METTL25: variants seen among roughly 807,000 people sequenced by gnomAD.
METTL25 encodes the protein methyltransferase like 25.
A neutral mutation model predicts 71.6 loss-of-function variants in METTL25; 64 were observed. The observed-to-expected ratio is 0.89, with a 90% CI of 0.73 to 1.10. METTL25 has a LOEUF of 1.10. Among genes scored for constraint, METTL25 ranks in the 50% least tolerant of loss-of-function variants. METTL25 has a pLI of 0.00. For missense variants in METTL25, 807 were observed against 707.0 expected, an observed-to-expected ratio of 1.14 and a Z score of -1.60; for synonymous variants, 287 against 250.3, an observed-to-expected ratio of 1.15 and a Z score of -1.38.
chr12:82,453,973 C>T (rs760881780), intron 8 of METTL25, among the ~76,000 whole-genome samples: 13 of 152,070 alleles, frequency 8.5e-5, no homozygotes, highest in Non-Finnish European at 1.8e-4. Flanking sequence ...AGAAACATTT[C>T]TGAGCATGTA....
chr12:82,365,357 A>G (rs1882444192), intron 1 of METTL25, among the ~76,000 whole-genome samples: 1 of 152,210 alleles, frequency 6.6e-6, no homozygotes, highest in Non-Finnish European at 1.5e-5. Context: ...ATACCCTGGG[A>G]ATTTGGACAT....
intron 1 of METTL25, among the ~76,000 whole-genome samples, chr12:82,360,316 T>G (rs187577946): frequency 6.6e-6 from 1 of 152,114 alleles, no homozygotes; most frequent in East Asian, 1.9e-4. Flanking sequence ...ATGTGTATTT[T>G]CTCTTTTAAT....
intron 5 of METTL25, among the ~76,000 whole-genome samples, chr12:82,415,393 T>C (rs1223050949): frequency 6.6e-6 from 1 of 151,844 alleles, no homozygotes; most frequent in Non-Finnish European, 1.5e-5. Flanking sequence ...AGATGAGAAG[T>C]AGAAAAAAAG....
intron 1 of METTL25, among the ~76,000 whole-genome samples, chr12:82,367,365 GT>G (rs1315846851): frequency 4.0e-5 from 6 of 151,592 alleles, no homozygotes; most frequent in African/African-American, 1.2e-4. Context: ...TCTTTCCTTG[GT>G]TTTAAAAAAA....
chr12:82,396,707 G>A (rs1226307456), intron 3 of METTL25, among the ~76,000 whole-genome samples: 1 of 151,958 alleles, frequency 6.6e-6, no homozygotes. Flanking sequence ...GTAACCACTA[G>A]CATAATTAAG....
At chr12:82,358,850 G>T in intron 1 of METTL25, 26 bp downstream of exon 1, 1 of 1,567,884 alleles carries the variant, frequency 6.4e-7, no homozygotes, top group African/African-American at 1.4e-5. Flanking sequence ...GGCGGGGCGG[G>T]AAGGGAGGCG....
At chr12:82,449,194 A>G (rs1169210056) in intron 8 of METTL25, among the ~76,000 whole-genome samples, 1 of 152,202 alleles carries the variant, frequency 6.6e-6, no homozygotes, top group Non-Finnish European at 1.5e-5. Flanking sequence ...ATTCTGACAG[A>G]GAGGCCCTTT....
At chr12:82,453,631 T>A (rs938111997) in intron 8 of METTL25, among the ~76,000 whole-genome samples, 1 of 152,166 alleles carries the variant, frequency 6.6e-6, no homozygotes, top group African/African-American at 2.4e-5. Flanking sequence ...TTTGTATTGT[T>A]AACTTTGCAC....
intron 1 of METTL25, among the ~76,000 whole-genome samples, chr12:82,386,473 CCCTCCCTCCTTTCCTT>C (rs1322746988): frequency 2.6e-5 from 1 of 38,586 alleles, no homozygotes; most frequent in Non-Finnish European, 5.5e-5. Flanking sequence ...CTCCCTTCCT[CCCTCCCTCCTTTCCTT>C]CCTCCCTCCC....
At chr12:82,454,921 T>A (rs1891382169) in intron 8 of METTL25, among the ~76,000 whole-genome samples, 1 of 151,904 alleles carries the variant, frequency 6.6e-6, no homozygotes, top group Non-Finnish European at 1.5e-5. Context: ...TCTGAGCACC[T>A]TATATGTGTT....
At chr12:82,462,223 G>A (rs1296052988) in intron 9 of METTL25, among the ~76,000 whole-genome samples, 1 of 152,118 alleles carries the variant, frequency 6.6e-6, no homozygotes, top group Non-Finnish European at 1.5e-5. Context: ...AGTTGAAGAG[G>A]CTCTCACTGG....
chr12:82,453,912 C>A (rs1891312524), intron 8 of METTL25, among the ~76,000 whole-genome samples: 2 of 152,042 alleles, frequency 1.3e-5, no homozygotes, highest in Admixed American at 1.3e-4. Flanking sequence ...TGTGTTCCAG[C>A]TGATTAAAGT....
intron 9 of METTL25, among the ~76,000 whole-genome samples, chr12:82,462,161 G>T (rs1891922191): frequency 6.6e-6 from 1 of 152,152 alleles, no homozygotes; most frequent in Non-Finnish European, 1.5e-5. Flanking sequence ...GCCTAAGGAT[G>T]ATCTGTACCA....
chr12:82,441,873 G>A (rs796627414), intron 8 of METTL25, among the ~76,000 whole-genome samples: 6 of 146,946 alleles, frequency 4.1e-5, no homozygotes, highest in South Asian at 4.3e-4. Context: ...GCCAACAAAG[G>A]CAAAGAAGTA....
intron 8 of METTL25, among the ~76,000 whole-genome samples, chr12:82,449,570 T>C (rs1474284092): frequency 2.0e-5 from 3 of 152,192 alleles, no homozygotes; most frequent in Non-Finnish European, 4.4e-5. Flanking sequence ...TCTGGGTTTT[T>C]TAAAATCCAG....
At chr12:82,424,146 A>T (rs1888773662) in intron 5 of METTL25, among the ~76,000 whole-genome samples, 3 of 152,196 alleles carry the variant, frequency 2.0e-5, no homozygotes, top group African/African-American at 7.2e-5. Flanking sequence ...CAAATGTCCA[A>T]CAATGATAGA....
At chr12:82,367,156 G>A (rs1343457289) in intron 1 of METTL25, among the ~76,000 whole-genome samples, 4 of 152,026 alleles carry the variant, frequency 2.6e-5, no homozygotes, top group African/African-American at 9.7e-5. Flanking sequence ...GTAAAACAGA[G>A]TTCATGGAGA....
intron 5 of METTL25, among the ~76,000 whole-genome samples, chr12:82,405,555 T>C (rs1479758299): frequency 6.6e-6 from 1 of 152,198 alleles, no homozygotes; most frequent in Non-Finnish European, 1.5e-5. Context: ...TAGTTACTCC[T>C]TGCTAATCCA....
At chr12:82,421,976 G>A (rs1888548935) in intron 5 of METTL25, among the ~76,000 whole-genome samples, 1 of 152,128 alleles carries the variant, frequency 6.6e-6, no homozygotes, top group African/African-American at 2.4e-5. Flanking sequence ...GTACAAGGAG[G>A]TGCTGGTACC....
Sources: gnomAD v4.1 joint callset for allele counts (sites outside exome capture counted in the v4.1 genomes callset) on GRCh38, gnomAD v4.1.1 for gene constraint, MANE v1.5 for transcripts, NCBI Gene and HGNC (gene_info 2026-07-23, HGNC 2026-07-21) for gene names.